CDKAL1: variants seen among roughly 807,000 people sequenced by gnomAD.
CDKAL1 encodes the protein threonylcarbamoyladenosine tRNA methylthiotransferase.
Under a neutral mutation model 68.2 loss-of-function variants are expected in CDKAL1, and 32 were observed. The observed-to-expected ratio is 0.47, with a 90% CI of 0.35 to 0.63. The LOEUF (loss-of-function observed/expected upper bound fraction) is 0.63. CDKAL1 is among the 30% of genes least tolerant of loss of function. CDKAL1 has a pLI of 0.00. For synonymous variants in CDKAL1, 234 were observed against 244.3 expected (o/e 0.96, Z 0.39); for missense variants, 606 against 696.7 (o/e 0.87, Z 1.47).
intron 4 of CDKAL1, among the ~76,000 whole-genome samples, chr6:20,600,110 T>G (rs1433931469): frequency 6.6e-6 from 1 of 152,150 alleles, no homozygotes; most frequent in Non-Finnish European, 1.5e-5. Context: ...GAAAATATAT[T>G]AATTTTGTGC....
At chr6:21,113,334 T>TACAG (rs1176670145) in intron 13 of CDKAL1, among the ~76,000 whole-genome samples, 1 of 152,106 alleles carries the variant, frequency 6.6e-6, no homozygotes, top group Admixed American at 6.5e-5. Context: ...GAAGTATTAC[T>TACAG]ACAGAGAGTG....
At chr6:21,228,883 C>T (rs184016007) in intron 15 of CDKAL1, among the ~76,000 whole-genome samples, 5 of 152,252 alleles carry the variant, frequency 3.3e-5, no homozygotes, top group East Asian at 1.9e-4. Context: ...CAAAATATTA[C>T]GCAAAAAGCC....
chr6:21,122,079 C>G (rs1385207623), intron 13 of CDKAL1, among the ~76,000 whole-genome samples: 1 of 152,106 alleles, frequency 6.6e-6, no homozygotes, highest in Non-Finnish European at 1.5e-5. Context: ...ATTAATAAAA[C>G]CAAAAACTTT....
At chr6:21,050,653 G>T (rs1770493160) in intron 11 of CDKAL1, among the ~76,000 whole-genome samples, 1 of 152,188 alleles carries the variant, frequency 6.6e-6, no homozygotes, top group South Asian at 2.1e-4. Context: ...TCAAAGGTGG[G>T]CATGACAGTG....
At chr6:20,976,195 G>A (rs1457933293) in intron 10 of CDKAL1, among the ~76,000 whole-genome samples, 1 of 152,038 alleles carries the variant, frequency 6.6e-6, no homozygotes, top group Admixed American at 6.6e-5. Context: ...TCTGGCCTCA[G>A]AACTCATTTC....
At chr6:20,633,365 C>T (rs1173803090) in intron 4 of CDKAL1, among the ~76,000 whole-genome samples, 1 of 152,202 alleles carries the variant, frequency 6.6e-6, no homozygotes, top group African/African-American at 2.4e-5. Flanking sequence ...TGTATCAGCA[C>T]TTCATTTCTT....
chr6:20,794,698 A>T (rs976320501), intron 8 of CDKAL1, among the ~76,000 whole-genome samples: 1 of 152,112 alleles, frequency 6.6e-6, no homozygotes, highest in African/African-American at 2.4e-5. Context: ...CTGAGGCCCC[A>T]AGGACTAATG....
Position 21,212,845 on chromosome 6 carries a change from T to C in CDKAL1, c.1548+11571T>C, listed in dbSNP as rs1210833041. ...TCTCCTGAATGCAATTCTATAAAATTATTGAGAAACAGAAATTTTCAATCC... is the reference window on the plus strand; with the variant it reads ...TCTCCTGAATGCAATTCTATAAAATCATTGAGAAACAGAAATTTTCAATCC... On this transcript the variant is annotated intron_variant, in intron 15 of 15. Transcript: ENST00000274695. 2.6e-5 allele frequency among the ~76,000 whole-genome samples: 4 copies of C among 152,310 alleles called. No individual in the cohort carries two copies. In the South Asian group the frequency reaches 8.3e-4, roughly 32 times the overall value.
intron 15 of CDKAL1, among the ~76,000 whole-genome samples, chr6:21,202,428 A>G (rs1188495332): frequency 2.0e-5 from 3 of 152,108 alleles, no homozygotes; most frequent in African/African-American, 7.2e-5. Flanking sequence ...GGGGGATAGT[A>G]TGGGTGGCCA....
intron 9 of CDKAL1, among the ~76,000 whole-genome samples, chr6:20,941,015 A>T (rs1011076891): frequency 2.0e-5 from 3 of 151,482 alleles, no homozygotes; most frequent in African/African-American, 7.3e-5. Context: ...TGAACCCGGG[A>T]GGTGGAGCTT....
chr6:21,006,249 A>C (rs1020029178), intron 11 of CDKAL1, among the ~76,000 whole-genome samples: 2 of 152,112 alleles, frequency 1.3e-5, no homozygotes, highest in African/African-American at 4.8e-5. Context: ...TTTTAGTCCT[A>C]GTGGCTTGGA....
At chr6:21,008,444 C>T (rs562708179) in intron 11 of CDKAL1, among the ~76,000 whole-genome samples, 52 of 152,046 alleles carry the variant, frequency 3.4e-4, no homozygotes, top group African/African-American at 1.3e-3. Flanking sequence ...AATAATACCA[C>T]GGAAGCCAAG....
intron 11 of CDKAL1, among the ~76,000 whole-genome samples, chr6:21,050,713 G>A (rs1056565338): frequency 3.9e-5 from 6 of 152,292 alleles, no homozygotes; most frequent in African/African-American, 1.4e-4. Context: ...GATGAAGGGT[G>A]GGGATCAATC....
chr6:21,195,477 TTTTATTTATTTATTTATTTATTTATTTA>T (rs70993212), intron 13 of CDKAL1, among the ~76,000 whole-genome samples: 1 of 118,584 alleles, frequency 8.4e-6, no homozygotes, highest in Non-Finnish European at 1.8e-5. Flanking sequence ...GAGATGTTTT[TTTTATTTATTTATTTATTTATTTATTTA>T]TTTATTTATT....
At chr6:21,032,604 A>T (rs1391985450) in intron 11 of CDKAL1, among the ~76,000 whole-genome samples, 1 of 152,078 alleles carries the variant, frequency 6.6e-6, no homozygotes, top group Non-Finnish European at 1.5e-5. Context: ...GTGGTCCCAT[A>T]AGATTATAAT....
chr6:20,900,740 C>T (rs1219323684), intron 9 of CDKAL1, among the ~76,000 whole-genome samples: 3 of 152,158 alleles, frequency 2.0e-5, no homozygotes, highest in African/African-American at 4.8e-5. Flanking sequence ...GAGGAAAATG[C>T]AAACTTTCTT....
chr6:21,185,511 T>C (rs1028426379), intron 13 of CDKAL1, among the ~76,000 whole-genome samples: 1 of 152,226 alleles, frequency 6.6e-6, no homozygotes. Context: ...CATGCTCACC[T>C]ACAATCTCGA....
chr6:20,665,607 TC>T (rs1356816019), intron 5 of CDKAL1, among the ~76,000 whole-genome samples: 1 of 152,098 alleles, frequency 6.6e-6, no homozygotes, highest in East Asian at 1.9e-4. Context: ...GAGGTTGGAT[TC>T]CTGAAACTGT....
chr6:20,825,802 G>A (rs9368240), intron 8 of CDKAL1, among the ~76,000 whole-genome samples: 98,752 of 151,992 alleles, frequency 0.65, 32,477 homozygotes, highest in African/African-American at 0.69. Flanking sequence ...TTGTAACTTA[G>A]TAAATTATTG....
Sources: gnomAD v4.1 joint callset for allele counts (sites outside exome capture counted in the v4.1 genomes callset) on GRCh38, gnomAD v4.1.1 for gene constraint, MANE v1.5 for transcripts, NCBI Gene and HGNC (gene_info 2026-07-23, HGNC 2026-07-21) for gene names.